Variants in PPP1R12B observed in about 807,000 individuals in gnomAD.
PPP1R12B encodes protein phosphatase 1 regulatory subunit 12B, also known as myosin phosphatase target subunit 2.
PPP1R12B carries 76 observed loss-of-function variants against 126.1 expected under a neutral mutation model. The ratio of observed to expected loss-of-function variants is 0.60; its 90% CI spans 0.50 to 0.73. The LOEUF (loss-of-function observed/expected upper bound fraction) is 0.73. Among genes scored for constraint, PPP1R12B ranks in the 30% least tolerant of loss-of-function variants. PPP1R12B has a pLI of 0.00. For synonymous variants in PPP1R12B, 356 were observed against 434.7 expected, an observed-to-expected ratio of 0.82 and a Z score of 2.25; for missense variants, 1,052 against 1,205.1, an observed-to-expected ratio of 0.87 and a Z score of 1.88.
Position 202,451,568 on chromosome 1 carries a change from T to C in PPP1R12B, c.1850+2397T>C, listed in dbSNP as rs562022814. ...AAAATGAAAAGTCTCCCATGTCTACTTCTTTCTACACAGACACGGCAACCA... is the reference window on the plus strand; with the variant it reads ...AAAATGAAAAGTCTCCCATGTCTACCTCTTTCTACACAGACACGGCAACCA... On this transcript the variant is annotated intron_variant, in intron 13 of 23. Transcript: ENST00000608999. Among the ~76,000 whole-genome samples, 56 of 151,960 alleles carry C rather than the reference T, an allele frequency of 3.7e-4. No homozygotes were observed. In the South Asian group the frequency reaches 5.4e-3, roughly 15 times the overall value.
intron 21 of PPP1R12B, among the ~76,000 whole-genome samples, chr1:202,566,115 C>T (rs1391397719): frequency 1.3e-5 from 2 of 152,228 alleles, no homozygotes; most frequent in East Asian, 1.9e-4. Context: ...CTCTTCTCAG[C>T]GGAAGCTTCT....
intron 18 of PPP1R12B, among the ~76,000 whole-genome samples, chr1:202,506,036 G>A (rs1477879282): frequency 1.3e-5 from 2 of 152,186 alleles, no homozygotes; most frequent in African/African-American, 4.8e-5. Context: ...GGCATTCCAC[G>A]TGTAGAAAAG....
chr1:202,364,723 C>T (rs1658863070), intron 1 of PPP1R12B, among the ~76,000 whole-genome samples: 1 of 152,048 alleles, frequency 6.6e-6, no homozygotes, highest in Admixed American at 6.6e-5. Flanking sequence ...ACTACAGGCG[C>T]CCGCCACCAT....
intron 13 of PPP1R12B, among the ~76,000 whole-genome samples, chr1:202,473,290 G>A (rs1192592238): frequency 1.6e-4 from 24 of 152,188 alleles, no homozygotes; most frequent in Admixed American, 1.6e-3. Context: ...TCTGTAGCTA[G>A]CTTATCAAAT....
intron 18 of PPP1R12B, among the ~76,000 whole-genome samples, chr1:202,503,908 G>T (rs12734799): frequency 6.6e-6 from 1 of 151,768 alleles, no homozygotes; most frequent in South Asian, 2.1e-4. Context: ...GCTAGAAATT[G>T]CTTCCTTTCT....
chr1:202,364,516 TC>T lies in PPP1R12B; in HGVS notation c.291+15376del, dbSNP rs1558132746. 5.9e-5 allele frequency among the ~76,000 whole-genome samples: 9 copies of T among 152,264 alleles called. No individual in the cohort carries two copies. In the South Asian group the frequency reaches 1.7e-3, roughly 28 times the overall value. ...ATCATGGCTCACTACAGCCTTGACTTCCTGGGCTCAAGCATTCCTCCTGCCT... is the reference window on the plus strand; with the variant it reads ...ATCATGGCTCACTACAGCCTTGACTTCTGGGCTCAAGCATTCCTCCTGCCT... On this transcript the variant is annotated intron_variant, in intron 1 of 23. Transcript: ENST00000608999.
rs1314576727 is a variant in PPP1R12B, at chr1:202,586,100, A to G, written c.*5540A>G. The G allele has an allele frequency of 6.6e-6, 1 of 152,250 alleles. No individual in the cohort carries two copies. Among genetic ancestry groups the G allele is most frequent in the Non-Finnish European group, 1.5e-5 (1 of 68,050 alleles). 9.4% of individuals were successfully genotyped at this position (152,250 alleles called of 1,614,324 possible). A position where few individuals can be genotyped will look rare whatever the true frequency, so the allele number is the denominator to read the frequency against. ...TCCCCCTCTGGATTTTGGACTTACC[A>G]GAAGTAGGAGGTTCTGATACCATTC... On this transcript the variant is annotated 3_prime_UTR_variant, in exon 24 of 24. Coordinates refer to ENST00000608999, the MANE Select transcript of PPP1R12B (RefSeq NM_002481.4).
chr1:202,439,711 C>T (rs1264805543), intron 10 of PPP1R12B: 5 of 592,464 alleles, frequency 8.4e-6, no homozygotes, highest in Non-Finnish European at 1.5e-5. Flanking sequence ...GGTTGTGCAG[C>T]CCAGCCAGCA....
At chr1:202,380,294 G>A (rs1307417362) in intron 1 of PPP1R12B, among the ~76,000 whole-genome samples, 1 of 152,042 alleles carries the variant, frequency 6.6e-6, no homozygotes, top group Non-Finnish European at 1.5e-5. Context: ...CAAACCACAG[G>A]TGATATTATC....
At chr1:202,397,742 G>T (rs993523955) in intron 1 of PPP1R12B, among the ~76,000 whole-genome samples, 1 of 152,128 alleles carries the variant, frequency 6.6e-6, no homozygotes, top group African/African-American at 2.4e-5. Context: ...TGATAATAGT[G>T]TGTCTAAAGT....
chr1:202,481,807 T>C (rs1230600072), intron 13 of PPP1R12B, among the ~76,000 whole-genome samples: 2 of 152,188 alleles, frequency 1.3e-5, no homozygotes, highest in Non-Finnish European at 2.9e-5. Context: ...TACTCTGCAA[T>C]AGAACATCAG....
chr1:202,442,257 G>A (rs1193295777), intron 11 of PPP1R12B, among the ~76,000 whole-genome samples, 190 bp from the exon 12 acceptor site: 2 of 152,206 alleles, frequency 1.3e-5, no homozygotes, highest in Non-Finnish European at 2.9e-5. Flanking sequence ...GTTCAAAGTT[G>A]ATAAAAGAAA....
rs780586850 is a variant in PPP1R12B at position 202,348,997 on chromosome 1, G to T, written c.146G>T (p.Arg49Leu). The part of the protein sequence containing the change: ...RGAGRQPLTR[R>L]GSPRVRFEDG... ...GCGGGGCGGCAGCCGCTGACCAGGC[G>T]CGGGAGCCCCAGGGTCCGCTTCGAG... The change falls in exon 1 of 24, where the codon CGC becomes CTC. Residue 49 changes from arginine (R) to leucine (L), a missense_variant. Arg to Leu is a moderately radical substitution (Grantham distance 102). Transcript: ENST00000608999. The T allele has an allele frequency of 1.9e-6, 3 of 1,607,042 alleles. No homozygotes were observed. The South Asian group carries it at 3.3e-5, about 18-fold the overall frequency.
In PPP1R12B at chr1:202,437,876, C is replaced by T; in HGVS notation, c.1310C>T (p.Ser437Leu). The T allele has an allele frequency of 6.2e-7, 1 of 1,613,616 alleles. No homozygotes were observed. Among genetic ancestry groups the T allele is most frequent in the Non-Finnish European group, 8.5e-7 (1 of 1,179,564 alleles). ...GAGCCCAAAGATGAATCTCCTTCTTCATGGAGATTGGGACTGAGAAAAACT... is the reference window on the plus strand; with the variant it reads ...GAGCCCAAAGATGAATCTCCTTCTTTATGGAGATTGGGACTGAGAAAAACT... Reference protein sequence around the residue: ...PEEPKDESPSSWRLGLRKTGS... With the variant: ...PEEPKDESPSLWRLGLRKTGS... The change falls in exon 10 of 24, where the codon TCA (serine) becomes TTA (leucine). Residue 437 changes from serine to leucine, a missense_variant. Physicochemically the swap from Ser to Leu is moderately radical, Grantham distance 145 (BLOSUM62 -2). Transcript: ENST00000608999.
At chr1:202,540,115 G>A (rs772577279) in intron 18 of PPP1R12B, 16 of 1,592,948 alleles carry the variant, frequency 1.0e-5, no homozygotes, top group Non-Finnish European at 1.4e-5. Context: ...CAGTGGTTGA[G>A]TGTCTATCTG....
chr1:202,462,621 A>C (rs534443668), intron 13 of PPP1R12B: 1 of 213,434 alleles, frequency 4.7e-6, no homozygotes, highest in Non-Finnish European at 8.1e-6. Flanking sequence ...TCCTTCTGAT[A>C]AAGTGGTTCA....
rs1273064829 is a variant in PPP1R12B at position 202,446,455 on chromosome 1, G to A, written c.1668-2534G>A. 4.0e-5 allele frequency among the ~76,000 whole-genome samples: 6 copies of A among 148,178 alleles called. No individual in the cohort carries two copies. The South Asian group carries it at 6.4e-4, about 16-fold the overall frequency. ...TTTTTAGTAGAGACGGGGTTTCACC[G>A]TGTTATCCAGGATGAGGATGATCTC... On this transcript the variant is annotated intron_variant, in intron 12 of 23. Transcript: ENST00000608999.
At chr1:202,422,793 A>C (rs1341074330) in intron 3 of PPP1R12B, 55 bp downstream of exon 3, 15 of 1,609,658 alleles carry the variant, frequency 9.3e-6, no homozygotes. Context: ...TGCCATTTAC[A>C]GAAAATAATC....
intron 18 of PPP1R12B, among the ~76,000 whole-genome samples, chr1:202,530,749 C>T (rs180708943): frequency 7.5e-4 from 114 of 152,302 alleles, no homozygotes; most frequent in African/African-American, 2.6e-3. Context: ...CAAAATAGCA[C>T]CATCTCTTCT....
Sources: gnomAD v4.1 joint callset for allele counts (sites outside exome capture counted in the v4.1 genomes callset) on GRCh38, gnomAD v4.1.1 for gene constraint, MANE v1.5 for transcripts, NCBI Gene and HGNC (gene_info 2026-07-23, HGNC 2026-07-21) for gene names.